COLEC10: variants seen among roughly 807,000 people sequenced by gnomAD.
COLEC10 encodes collectin-10.
COLEC10 carries 22 observed loss-of-function variants against 28.4 expected under a neutral mutation model. That is an observed-to-expected ratio of 0.78 (90% CI 0.55 to 1.11). The LOEUF (loss-of-function observed/expected upper bound fraction) is 1.11. Ranked by LOEUF, COLEC10 falls within the 50% of genes least tolerant of loss-of-function variation. The pLI is 0.00. For synonymous variants in COLEC10, 125 were observed against 116.1 expected (o/e 1.08, Z -0.49); for missense variants, 361 against 344.1 (o/e 1.05, Z -0.39).
intron 1 of COLEC10, among the ~76,000 whole-genome samples, chr8:119,079,395 C>T (rs1815323789): frequency 6.6e-6 from 1 of 152,142 alleles, no homozygotes; most frequent in Non-Finnish European, 1.5e-5. Flanking sequence ...GAACCAAGCG[C>T]TTTGATCCCA....
chr8:119,016,697 T>A (rs1000654284), intron 2 of COLEC10, among the ~76,000 whole-genome samples: 1 of 151,786 alleles, frequency 6.6e-6, no homozygotes, highest in Non-Finnish European at 1.5e-5. Context: ...TGTTTCCTGA[T>A]TTTTTGTTTC....
At chr8:119,093,132 G>A (rs945992889) in intron 3 of COLEC10, among the ~76,000 whole-genome samples, 1 of 152,160 alleles carries the variant, frequency 6.6e-6, no homozygotes, top group South Asian at 2.1e-4. Flanking sequence ...TAGCCTTGAT[G>A]TACCCTCCAT....
the COLEC10 span, among the ~76,000 whole-genome samples, chr8:118,962,407 G>C: frequency 1.3e-5 from 2 of 152,134 alleles, no homozygotes; most frequent in Non-Finnish European, 2.9e-5. Context: ...TACCTGAAAG[G>C]TCATTTATCC....
rs1455817906 is a variant in COLEC10 at position 119,106,868 on chromosome 8, C to T, written c.*677C>T. Reference sequence around the variant, plus strand: ...TTCACTAACATATACCAAGTAGGTGCTTTGAACCCCTTTCTGTAGGCTCAC... The same window carrying T: ...TTCACTAACATATACCAAGTAGGTGTTTTGAACCCCTTTCTGTAGGCTCAC... On this transcript the variant is annotated 3_prime_UTR_variant, in exon 6 of 6. Transcript: ENST00000332843. Among the ~76,000 whole-genome samples, 1 of 152,116 alleles carries T rather than the reference C, an allele frequency of 6.6e-6. No individual in the cohort carries two copies. Among genetic ancestry groups the T allele is most frequent in the Admixed American group, 6.5e-5 (1 of 15,268 alleles).
At chr8:118,980,609 T>A in the COLEC10 span, among the ~76,000 whole-genome samples, 1 of 152,164 alleles carries the variant, frequency 6.6e-6, no homozygotes, top group East Asian at 1.9e-4. Flanking sequence ...TTGATTTTTT[T>A]AAATAAAATT....
chr8:119,013,118 A>T (rs1813929978), intron 2 of COLEC10, among the ~76,000 whole-genome samples: 1 of 149,940 alleles, frequency 6.7e-6, no homozygotes, highest in Admixed American at 6.6e-5. Context: ...CCTTCTAAGC[A>T]CTGCTTTTGT....
chr8:118,960,110 G>A, the COLEC10 span, among the ~76,000 whole-genome samples: 16 of 152,284 alleles, frequency 1.1e-4, no homozygotes, highest in South Asian at 3.3e-3. Flanking sequence ...GGAGAAACAA[G>A]GCTACTGAAG....
chr8:118,996,749 G>A (rs1021704531), intron 1 of COLEC10, among the ~76,000 whole-genome samples: 9 of 152,200 alleles, frequency 5.9e-5, no homozygotes, highest in African/African-American at 2.2e-4. Flanking sequence ...TGGTTCTCCA[G>A]GCTGTACAGA....
At chr8:118,971,455 G>A in the COLEC10 span, among the ~76,000 whole-genome samples, 1 of 151,970 alleles carries the variant, frequency 6.6e-6, no homozygotes, top group Non-Finnish European at 1.5e-5. Context: ...GTAAACAATA[G>A]CTTATTAAAT....
At chr8:119,038,108 C>G (rs948018671) in intron 2 of COLEC10, among the ~76,000 whole-genome samples, 1 of 152,144 alleles carries the variant, frequency 6.6e-6, no homozygotes, top group Non-Finnish European at 1.5e-5. Context: ...AGTTGATTCT[C>G]GCTATTTGCT....
the COLEC10 span, among the ~76,000 whole-genome samples, chr8:118,989,241 T>C: frequency 6.6e-6 from 1 of 152,112 alleles, no homozygotes; most frequent in African/African-American, 2.4e-5. Context: ...ATTAGTAGCG[T>C]GGACATAGCT....
rs1047877626 is a variant in COLEC10 at position 119,010,343 on chromosome 8, C to A, written n.235+790C>A. 2.6e-5 allele frequency among the ~76,000 whole-genome samples: 4 copies of A among 150,956 alleles called. No homozygotes were observed. In the East Asian group the frequency reaches 7.7e-4, roughly 29 times the overall value. Reference sequence around the variant, plus strand: ...TCCATGTCTTTTAATGTCTTGATAGCTAATTTTTTGGCACAAAATAATAGT... The same window carrying A: ...TCCATGTCTTTTAATGTCTTGATAGATAATTTTTTGGCACAAAATAATAGT... On this transcript the variant is annotated intron_variant and non_coding_transcript_variant, in intron 2 of 6. Transcript: ENST00000521788.
At chr8:119,076,019 G>A (rs2130244574) in intron 1 of COLEC10, among the ~76,000 whole-genome samples, 1 of 145,458 alleles carries the variant, frequency 6.9e-6, no homozygotes, top group South Asian at 2.2e-4. Flanking sequence ...TCCTGCCTCA[G>A]CCTCCCGAGT....
chr8:119,087,608 T>A (rs1009817594), intron 1 of COLEC10, among the ~76,000 whole-genome samples: 1 of 151,732 alleles, frequency 6.6e-6, no homozygotes, highest in South Asian at 2.1e-4. Flanking sequence ...TAATAAGCTG[T>A]TTTTTTTCTT....
intron 2 of COLEC10, among the ~76,000 whole-genome samples, chr8:119,035,946 T>A (rs1179497191): frequency 3.3e-5 from 5 of 152,178 alleles, no homozygotes; most frequent in Non-Finnish European, 5.9e-5. Context: ...TATATTTGTT[T>A]TAGGGAGTTT....
the COLEC10 span, among the ~76,000 whole-genome samples, chr8:118,953,751 A>G: frequency 6.6e-6 from 1 of 152,198 alleles, no homozygotes; most frequent in Non-Finnish European, 1.5e-5. Context: ...AATATTTCCT[A>G]TAGTTATGAT....
chr8:119,061,442 G>T lies in COLEC10; in HGVS notation n.236-28238G>T, dbSNP rs2046429. 2.2e-3 allele frequency among the ~76,000 whole-genome samples: 167 copies of T among 74,722 alleles called. No homozygotes were observed. The East Asian group carries it at 0.12, about 55-fold the overall frequency. The allele number at this position is 74,722 out of a possible 152,430, so 49.0% of individuals were successfully genotyped here. A position where few individuals can be genotyped will look rare whatever the true frequency, so the allele number is the denominator to read the frequency against. ...TTGAAATTTCAGAATAGCTGGTATTGAAAAAAAAAAAAACTCTTAAAAGCT... is the reference window on the plus strand; with the variant it reads ...TTGAAATTTCAGAATAGCTGGTATTTAAAAAAAAAAAAACTCTTAAAAGCT... On this transcript the variant is annotated intron_variant and non_coding_transcript_variant, in intron 2 of 6. Coordinates refer to the COLEC10 transcript ENST00000521788.
the COLEC10 span, among the ~76,000 whole-genome samples, chr8:118,954,989 T>G: frequency 3.5e-4 from 53 of 152,232 alleles, 1 homozygote; most frequent in Admixed American, 6.5e-4. Context: ...TAAAACATCT[T>G]GTGCCTACAC....
At chr8:119,030,045 C>T (rs576965746) in intron 2 of COLEC10, among the ~76,000 whole-genome samples, 8 of 152,134 alleles carry the variant, frequency 5.3e-5, no homozygotes, top group Non-Finnish European at 5.9e-5. Context: ...CCTGTAAAGC[C>T]GAAGTCCCCT....
Sources: gnomAD v4.1 joint callset for allele counts (sites outside exome capture counted in the v4.1 genomes callset) on GRCh38, gnomAD v4.1.1 for gene constraint, MANE v1.5 for transcripts, NCBI Gene and HGNC (gene_info 2026-07-23, HGNC 2026-07-21) for gene names.